ADAMTSL3: variants seen among roughly 807,000 people sequenced by gnomAD.
The protein encoded by ADAMTSL3 is ADAMTS-like protein 3.
A neutral mutation model predicts 201.7 loss-of-function variants in ADAMTSL3; 128 were observed. That is an observed-to-expected ratio of 0.63 (90% CI 0.55 to 0.73). The LOEUF (loss-of-function observed/expected upper bound fraction) is 0.73, where lower values mean the gene tolerates loss of function less well. Among genes scored for constraint, ADAMTSL3 ranks in the 30% least tolerant of loss-of-function variants. The probability of loss-of-function intolerance (pLI) is 0.00; values close to 1 mark genes in which losing one functional copy is unlikely to be tolerated. For missense variants in ADAMTSL3, 1,990 were observed against 2,119.6 expected (o/e 0.94, Z 1.20); for synonymous variants, 738 against 748.4 (o/e 0.99, Z 0.23).
intron 5 of ADAMTSL3, among the ~76,000 whole-genome samples, chr15:83,807,188 G>T (rs2063613970): frequency 6.6e-6 from 1 of 152,210 alleles, no homozygotes; most frequent in South Asian, 2.1e-4. Flanking sequence ...GGGCATGGTG[G>T]CTCACGCCTG....
chr15:84,018,703 G>T (rs923724498), intron 25 of ADAMTSL3, among the ~76,000 whole-genome samples: 3 of 152,122 alleles, frequency 2.0e-5, no homozygotes, highest in African/African-American at 7.2e-5. Flanking sequence ...AGGGATATGA[G>T]ATGAGGTTGG....
intron 3 of ADAMTSL3, among the ~76,000 whole-genome samples, chr15:83,723,370 T>C (rs1367498670): frequency 6.6e-6 from 1 of 152,206 alleles, no homozygotes; most frequent in Non-Finnish European, 1.5e-5. Flanking sequence ...GTGCAGTGCT[T>C]TTGATAAGCA....
chr15:84,036,676 A>T, intron 28 of ADAMTSL3, 97 bp from the exon 29 acceptor site: 2 of 837,326 alleles, frequency 2.4e-6, no homozygotes, highest in Non-Finnish European at 3.7e-6. Flanking sequence ...TTTAATACGT[A>T]GTATAGAGTA....
At chr15:83,821,809 G>C (rs1166704617) in intron 6 of ADAMTSL3, among the ~76,000 whole-genome samples, 3 of 151,688 alleles carry the variant, frequency 2.0e-5, no homozygotes, top group Non-Finnish European at 2.9e-5. Flanking sequence ...TCACTTCCCA[G>C]TAGGGGCGGC....
At chr15:83,991,286 A>G (rs1345846798) in intron 23 of ADAMTSL3, 72 bp downstream of exon 23, 1 of 1,599,206 alleles carries the variant, frequency 6.3e-7, no homozygotes, top group African/African-American at 1.3e-5. Flanking sequence ...GTTGCCAGGA[A>G]ACACCAGCTG....
intron 16 of ADAMTSL3, among the ~76,000 whole-genome samples, chr15:83,915,784 A>G (rs2066023914): frequency 6.6e-6 from 1 of 152,192 alleles, no homozygotes; most frequent in African/African-American, 2.4e-5. Context: ...CACTTAGCGT[A>G]GTGTTTTCAA....
intron 27 of ADAMTSL3, among the ~76,000 whole-genome samples, chr15:84,028,152 T>C (rs1225228208): frequency 6.6e-6 from 1 of 152,160 alleles, no homozygotes; most frequent in Non-Finnish European, 1.5e-5. Context: ...GGGATGATGA[T>C]CATGTTCTAA....
chr15:84,025,950 T>G lies in ADAMTSL3; in HGVS notation c.4656+514T>G, dbSNP rs139090290. On this transcript the variant is annotated intron_variant, in intron 27 of 29. Coordinates refer to ENST00000286744, the MANE Select transcript of ADAMTSL3 (RefSeq NM_207517.3). Reference sequence around the variant, plus strand: ...ATCTCAGTACTACGAAGATGTCGATTTCCTTAAATGAATATATGCACGTAA... The same window carrying G: ...ATCTCAGTACTACGAAGATGTCGATGTCCTTAAATGAATATATGCACGTAA... 6.5e-4 allele frequency among the ~76,000 whole-genome samples: 99 copies of G among 152,342 alleles called. 1 individual carries two copies. Among genetic ancestry groups the G allele is most frequent in the Middle Eastern group, 3.4e-3 (1 of 294 alleles).
rs1222565036 is a variant in ADAMTSL3, at chr15:83,982,998, C to T, written c.3370C>T (p.Leu1124=). The T allele has an allele frequency of 1.2e-6, 2 of 1,614,050 alleles. No individual in the cohort carries two copies. The highest frequency in any genetic ancestry group is 4.5e-5 in the East Asian group (2 of 44,888). ...TCTTGCGTCCCAGCTGATATATCAGCTGGTGGCCGAATTAGCCAAGGCACA... is the reference window on the plus strand; with the variant it reads ...TCTTGCGTCCCAGCTGATATATCAGTTGGTGGCCGAATTAGCCAAGGCACA... ...DDLASQLIYQ[L]VAELAKAQPT... is the part of the protein sequence containing the mutation. Residue 1124 remains leucine (L), a synonymous_variant, in exon 21 of 30, where the codon CTG becomes TTG. Coordinates refer to ENST00000286744, the MANE Select transcript of ADAMTSL3 (RefSeq NM_207517.3).
At position 83,856,401 on chromosome 15, in the gene ADAMTSL3, T is replaced by A. The variant is rs191039228; in HGVS notation, c.728-2365T>A. ...TATGTTGCCCCGACTGGTCTCGAAC[T>A]CCTGGGCTCAAGCCATCCTCTTGCC... On this transcript the variant is annotated intron_variant, in intron 7 of 29. Transcript: ENST00000286744. Among the ~76,000 whole-genome samples, 150 of 152,200 alleles carry A rather than the reference T, an allele frequency of 9.9e-4. 2 individuals are homozygous for A. Among genetic ancestry groups the A allele is most frequent in the African/African-American group, 3.5e-3 (147 of 41,520 alleles).
At chr15:83,783,837 C>CTCTG (rs138161292) in intron 4 of ADAMTSL3, among the ~76,000 whole-genome samples, 1 of 148,662 alleles carries the variant, frequency 6.7e-6, no homozygotes, top group African/African-American at 2.5e-5. Flanking sequence ...CATATATACT[C>CTCTG]TGTGTGTGTG....
chr15:83,822,371 G>A (rs1259043398), intron 6 of ADAMTSL3, among the ~76,000 whole-genome samples: 5 of 144,100 alleles, frequency 3.5e-5, no homozygotes, highest in African/African-American at 7.8e-5. Flanking sequence ...GGCGGCTGCC[G>A]GGCGGAGGGT....
chr15:83,897,348 C>T (rs929648146), intron 13 of ADAMTSL3, among the ~76,000 whole-genome samples: 17 of 151,966 alleles, frequency 1.1e-4, no homozygotes, highest in African/African-American at 3.6e-4. Context: ...TTTTCTATAG[C>T]GTTTGGCTGA....
chr15:83,821,167 T>G (rs1487857752), intron 6 of ADAMTSL3, among the ~76,000 whole-genome samples: 2 of 152,120 alleles, frequency 1.3e-5, no homozygotes, highest in Non-Finnish European at 2.9e-5. Context: ...TTTTGACTTC[T>G]GAAAAATATT....
chr15:83,841,814 C>T (rs2064381105), intron 7 of ADAMTSL3, among the ~76,000 whole-genome samples: 1 of 151,796 alleles, frequency 6.6e-6, no homozygotes, highest in African/African-American at 2.4e-5. Context: ...GCCTGCCATG[C>T]CCCCCATTCT....
chr15:83,726,088 G>A (rs527637204), intron 3 of ADAMTSL3, among the ~76,000 whole-genome samples: 4 of 151,904 alleles, frequency 2.6e-5, no homozygotes, highest in East Asian at 1.9e-4. Flanking sequence ...ACGTTTCGTC[G>A]TTTTCATTGT....
intron 5 of ADAMTSL3, among the ~76,000 whole-genome samples, chr15:83,816,609 T>C (rs1442509965): frequency 2.0e-5 from 3 of 152,186 alleles, no homozygotes; most frequent in Non-Finnish European, 2.9e-5. Context: ...GAGTGAGATA[T>C]AGAGAAAACT....
chr15:83,706,311 A>C (rs2061850487), intron 3 of ADAMTSL3, among the ~76,000 whole-genome samples: 1 of 152,208 alleles, frequency 6.6e-6, no homozygotes, highest in Admixed American at 6.5e-5. Flanking sequence ...AGGGGAAAAC[A>C]AGCCCCTTCA....
intron 17 of ADAMTSL3, among the ~76,000 whole-genome samples, chr15:83,936,217 T>G (rs990863132): frequency 1.3e-5 from 2 of 151,766 alleles, no homozygotes; most frequent in Non-Finnish European, 2.9e-5. Context: ...TTAAAGTGCT[T>G]TAGGCCCTTA....
Sources: allele counts gnomAD v4.1 joint callset (sites outside exome capture counted in the v4.1 genomes callset), GRCh38; gene constraint gnomAD v4.1.1; transcripts MANE v1.5; gene names NCBI Gene and HGNC (gene_info 2026-07-23, HGNC 2026-07-21).